The following PPAN variants were observed in gnomAD, a reference collection of about 807,000 sequenced individuals.
PPAN encodes peter pan homolog, also known as suppressor of SWI4 1 homolog.
Under a neutral mutation model 48.5 loss-of-function variants are expected in PPAN, and 39 were observed. The observed-to-expected ratio is 0.80, with a 90% CI of 0.62 to 1.05. PPAN has a LOEUF of 1.05. Among genes scored for constraint, PPAN ranks in the 50% least tolerant of loss-of-function variants. The pLI, the probability that PPAN is intolerant of heterozygous loss-of-function variation, is 0.00. For synonymous variants in PPAN, 315 were observed against 268.6 expected, an observed-to-expected ratio of 1.17 and a Z score of -1.69; for missense variants, 736 against 661.7, an observed-to-expected ratio of 1.11 and a Z score of -1.23.
intron 5 of PPAN, 26 bp downstream of exon 5, chr19:10,108,160 G>A (rs1253234319): frequency 1.3e-6 from 2 of 1,588,236 alleles, no homozygotes; most frequent in Non-Finnish European, 1.7e-6. Flanking sequence ...CGAGGTGGCA[G>A]GTATGGGGGG....
In PPAN at chr19:10,111,310, G is replaced by A; in HGVS notation, c.*145G>A. On this transcript the variant is annotated 3_prime_UTR_variant, in exon 12 of 12. Coordinates refer to ENST00000253107, the MANE Select transcript of PPAN (RefSeq NM_020230.7). ...CTGAATTGGCCAGGGGTCCACGTCAGCGTTTGGGATGGGGGATTCTGGAGC... is the reference window on the plus strand; with the variant it reads ...CTGAATTGGCCAGGGGTCCACGTCAACGTTTGGGATGGGGGATTCTGGAGC... The A allele has an allele frequency of 9.7e-7, 1 of 1,036,098 alleles. No homozygotes were observed. The highest frequency in any genetic ancestry group is 1.7e-5 in the South Asian group (1 of 58,328). 64.2% of individuals were successfully genotyped at this position (1,036,098 alleles called of 1,614,324 possible). A position where few individuals can be genotyped will look rare whatever the true frequency, so the allele number is the denominator to read the frequency against.
rs779073658 is a variant in PPAN, at chr19:10,111,103, G to A, written c.1360G>A (p.Gly454Arg). 3 of 1,612,468 alleles carry A rather than the reference G, an allele frequency of 1.9e-6. No homozygotes were observed. Among genetic ancestry groups the A allele is most frequent in the Non-Finnish European group, 2.5e-6 (3 of 1,179,546 alleles). The part of the protein sequence containing the change: ...QGAQARRGPR[G>R]ASRDGGRGRG... ...AGCCCAGGCCAGGCGGGGGCCCAGA[G>A]GGGCTTCCCGGGATGGTGGGCGAGG... is the stretch of plus-strand genomic sequence containing the variant. The change falls in exon 12 of 12, where the codon GGG becomes AGG. Residue 454 changes from glycine (G) to arginine (R), a missense_variant. Gly to Arg is a moderately radical substitution (Grantham distance 125). Transcript: ENST00000253107.
intron 5 of PPAN, among the ~76,000 whole-genome samples, chr19:10,108,574 C>T (rs1306942140): frequency 1.3e-5 from 2 of 151,848 alleles, no homozygotes; most frequent in Admixed American, 6.6e-5. Context: ...CATAGCGAGA[C>T]CCCATGTCTA....
At chr19:10,107,782 C>G (rs1301671639) in intron 3 of PPAN, 22 bp from the exon 4 acceptor site, 3 of 1,613,524 alleles carry the variant, frequency 1.9e-6, no homozygotes, top group Non-Finnish European at 2.5e-6. Flanking sequence ...TCCAGAGTCA[C>G]TGATCTTTTC....
intron 3 of PPAN, 37 bp downstream of exon 3, chr19:10,107,643 C>A (rs755531569): frequency 2.5e-6 from 4 of 1,609,300 alleles, no homozygotes; most frequent in African/African-American, 1.3e-5. Context: ...TCCCCCAGAC[C>A]CCCCCTTCCC....
Position 10,108,134 on chromosome 19 carries a change from G to C in PPAN, c.513G>C (p.Lys171Asn), listed in dbSNP as rs1179933362. The stretch of plus-strand genomic sequence containing the variant: ...TGTTCCCCTCCATCAACGTGCACAA[G>C]GTGGGTCTGGCCTGGCGAGGTGGCA... ...QNLFPSINVH[K>N]VNLNTIKRCL... The change falls in exon 5 of 12, where the codon AAG (lysine) becomes AAC (asparagine). Residue 171 changes from lysine (K) to asparagine (N), a missense_variant and splice_region_variant. By Grantham distance (94) the Lys-to-Asn change is moderately conservative (BLOSUM62 0). Transcript: ENST00000253107. The C allele has an allele frequency of 6.2e-7, 1 of 1,608,422 alleles. No individual in the cohort carries two copies. Among genetic ancestry groups the C allele is most frequent in the South Asian group, 1.1e-5 (1 of 90,176 alleles).
At chr19:10,106,825 C>T (rs2088847887) in intron 2 of PPAN, 154 bp downstream of exon 2, 1 of 1,266,292 alleles carries the variant, frequency 7.9e-7, no homozygotes, top group Non-Finnish European at 1.1e-6. Context: ...CCTTTCAGGG[C>T]TTTTGCTGGG....
At position 10,106,882 on chromosome 19, in the gene PPAN, T is replaced by C. The variant is rs949485551; in HGVS notation, c.189+211T>C. 8.7e-6 allele frequency: 7 copies of C among 809,008 alleles called. No homozygotes were observed. In the African/African-American group the frequency reaches 1.2e-4, roughly 14 times the overall value. The allele number at this position is 809,008 out of a possible 1,614,324, so 50.1% of individuals were successfully genotyped here. A position where few individuals can be genotyped will look rare whatever the true frequency, so the allele number is the denominator to read the frequency against. ...TGGGAGATAGATAGTCGCCTAAGCC[T>C]GACAGTTAAGACTGGAATCTGGAGC... On this transcript the variant is annotated intron_variant, in intron 2 of 11. Coordinates refer to ENST00000253107, the MANE Select transcript of PPAN (RefSeq NM_020230.7).
In PPAN at chr19:10,107,843, C is replaced by G; in HGVS notation, c.331C>G (p.Gln111Glu). The G allele has an allele frequency of 6.2e-7, 1 of 1,613,600 alleles. No homozygotes were observed. Residue 111 changes from glutamine (Q) to glutamate (E), a missense_variant, in exon 4 of 12, where the codon CAG (glutamine) becomes GAG (glutamate). By Grantham distance (29) the Gln-to-Glu change is conservative. Coordinates refer to ENST00000253107, the MANE Select transcript of PPAN (RefSeq NM_020230.7). ...CCCAGGAGGCCCCACCTTGACCTTC[C>G]AGGTCAAGAAGGTGAGAGGGGTGGA... is the stretch of plus-strand genomic sequence containing the variant. ...RLPGGPTLTF[Q>E]VKKYSLVRDV...
At position 10,106,624 on chromosome 19, in the gene PPAN, C is replaced by G. The variant is rs866124728; in HGVS notation, c.142C>G (p.Leu48Val). ...CTGRNIRQLS[L>V]DVRRVMEPLT... Reference sequence around the variant, plus strand: ...GGGTCGCAACATCCGGCAGCTCAGCCTGGACGTGCGGCGGGTCATGGAGCC... The same window carrying G: ...GGGTCGCAACATCCGGCAGCTCAGCGTGGACGTGCGGCGGGTCATGGAGCC... Residue 48 changes from leucine to valine, a missense_variant, in exon 2 of 12, where the codon CTG becomes GTG. Coordinates refer to ENST00000253107, the MANE Select transcript of PPAN (RefSeq NM_020230.7). 5 of 1,549,956 alleles carry G rather than the reference C, an allele frequency of 3.2e-6. No homozygotes were observed. In the Admixed American group the frequency reaches 5.8e-5, roughly 18 times the overall value.
Position 10,110,913 on chromosome 19 carries a change from TC to T in PPAN, c.1202-31del, listed in dbSNP as rs1465434957. The T allele has an allele frequency of 1.2e-6, 2 of 1,613,020 alleles. No homozygotes were observed. The highest frequency in any genetic ancestry group is 1.7e-6 in the Non-Finnish European group (2 of 1,179,786). ...AGGGCACCCAGAGCCTGTCCTTGTC[TC>T]TGGGGGCCCTGACACTGTCTCTCCC... On this transcript the variant is annotated intron_variant, in intron 11 of 11. Transcript: ENST00000253107. The surrounding 1 kb of genome is among the most constrained non-coding windows in gnomAD (Gnocchi z 5.9).
In PPAN at chr19:10,110,799, CGAT is replaced by C. The variant is rs751751524; in HGVS notation, c.1140_1142del (p.Asp380del). On this transcript the variant is annotated inframe_deletion, in exon 11 of 12. Coordinates refer to ENST00000253107, the MANE Select transcript of PPAN (RefSeq NM_020230.7). The surrounding 1 kb of genome is among the most constrained non-coding windows in gnomAD (Gnocchi z 5.9). Reference sequence around the variant, plus strand: ...CGGCGAGCCTGGAGTTGGGTGAGGACGATGATGAACAGGAAGATGATGACATCG... The same window carrying C: ...CGGCGAGCCTGGAGTTGGGTGAGGACGATGAACAGGAAGATGATGACATCG... 5 of 1,613,924 alleles carry C rather than the reference CGAT, an allele frequency of 3.1e-6. No homozygotes were observed. Among genetic ancestry groups the C allele is most frequent in the Non-Finnish European group, 4.2e-6 (5 of 1,179,992 alleles).
At chr19:10,108,566 T>A (rs1440370337) in intron 5 of PPAN, among the ~76,000 whole-genome samples, 2 of 151,918 alleles carry the variant, frequency 1.3e-5, no homozygotes, top group African/African-American at 4.8e-5. Context: ...CTGTGCAACA[T>A]AGCGAGACCC....
rs962761694 is a variant in PPAN at position 10,111,468 on chromosome 19, G to A, written c.*303G>A. ...TCATTGGTGGCAGCAGCAGCCATGA[G>A]TGGCCCCTCCCCCCAGTCCCACCAA... On this transcript the variant is annotated 3_prime_UTR_variant, in exon 12 of 12. Coordinates refer to ENST00000253107, the MANE Select transcript of PPAN (RefSeq NM_020230.7). The A allele has an allele frequency of 1.6e-5, 10 of 619,814 alleles. No homozygotes were observed. The highest frequency in any genetic ancestry group is 2.7e-5 in the East Asian group (1 of 36,378). 38.4% of individuals were successfully genotyped at this position (619,814 alleles called of 1,614,324 possible). A position where few individuals can be genotyped will look rare whatever the true frequency, so the allele number is the denominator to read the frequency against.
chr19:10,110,981 A>T lies in PPAN; in HGVS notation c.1238A>T (p.Lys413Met), dbSNP rs768016995. The change falls in exon 12 of 12, where the codon AAG (lysine) becomes ATG (methionine). Residue 413 changes from lysine (K) to methionine (M), a missense_variant. By Grantham distance (95) the Lys-to-Met change is moderately conservative (BLOSUM62 -1). Transcript: ENST00000253107. The surrounding 1 kb of genome is among the most constrained non-coding windows in gnomAD (Gnocchi z 5.9). The stretch of plus-strand genomic sequence containing the variant: ...GAGGCCAAGCAGAAACGGCTTGCCA[A>T]GTCTCCAGGGCGGAAGCGGAAGCGG... ...FPEAKQKRLA[K>M]SPGRKRKRWE... The T allele has an allele frequency of 3.1e-6, 5 of 1,613,224 alleles. No individual in the cohort carries two copies. In the South Asian group the frequency reaches 5.5e-5, roughly 18 times the overall value.
At chr19:10,107,383 C>T (rs2088866299) in intron 2 of PPAN, 122 bp from the exon 3 acceptor site, 10 of 1,009,608 alleles carry the variant, frequency 9.9e-6, no homozygotes, top group African/African-American at 1.6e-5. Context: ...TCCTTTTGCT[C>T]CTCTGGGCTT....
Position 10,110,196 on chromosome 19 carries a change from G to A in PPAN, c.772G>A (p.Ala258Thr). ...CATCACAGAGCTGCCTCAGGCTGTC[G>A]CTGGCCGTGGCAACATGCGGGCCCA... ...HNITELPQAVAGRGNMRAQQS... is the reference protein window; with the variant it reads ...HNITELPQAVTGRGNMRAQQS... Residue 258 changes from alanine (A) to threonine (T), a missense_variant, in exon 8 of 12, where the codon GCT becomes ACT. Transcript: ENST00000253107. The surrounding 1 kb of genome is among the most constrained non-coding windows in gnomAD (Gnocchi z 5.9). 1 of 1,610,722 alleles carries A rather than the reference G, an allele frequency of 6.2e-7. No homozygotes were observed. Among genetic ancestry groups the A allele is most frequent in the Non-Finnish European group, 8.5e-7 (1 of 1,179,866 alleles).
At chr19:10,107,108 GC>G in intron 2 of PPAN, 1 of 422,778 alleles carries the variant, frequency 2.4e-6, no homozygotes, top group Non-Finnish European at 4.6e-6. Flanking sequence ...GATTCCTTGA[GC>G]CCAGGAAATT....
Position 10,106,403 on chromosome 19 carries a change from G to GC in PPAN, c.9_10insC (p.Ser4LeufsTer63). 6.5e-7 allele frequency: 1 copy of GC among 1,549,458 alleles called. No homozygotes were observed. Among genetic ancestry groups the GC allele is most frequent in the Non-Finnish European group, 8.7e-7 (1 of 1,145,696 alleles). On this transcript the variant is annotated frameshift_variant, in exon 1 of 12. Transcript: ENST00000253107. LOFTEE classifies it high-confidence loss of function. ...GTGGAGGACACAGCAGCATGGGACA[G>GC]TCAGGGAGGGTAAGGCCCGGCAGCT...
Sources: allele counts gnomAD v4.1 joint callset (sites outside exome capture counted in the v4.1 genomes callset), GRCh38; gene constraint gnomAD v4.1.1; non-coding constraint Gnocchi (gnomAD v3.1); transcripts MANE v1.5; gene names NCBI Gene and HGNC (gene_info 2026-07-23, HGNC 2026-07-21).